The following CDC73 variants were observed in gnomAD, a reference collection of about 807,000 sequenced individuals.
CDC73 encodes the protein parafibromin.
Under a neutral mutation model 83.7 loss-of-function variants are expected in CDC73, and 21 were observed. The observed-to-expected ratio is 0.25, with a 90% confidence interval of 0.18 to 0.36. The LOEUF (loss-of-function observed/expected upper bound fraction) is 0.36, where lower values mean the gene tolerates loss of function less well. Among genes scored for constraint, CDC73 ranks in the 10% least tolerant of loss-of-function variants. CDC73 has a pLI of 1.00. For synonymous variants in CDC73, 224 were observed against 212.9 expected, an observed-to-expected ratio of 1.05 and a Z score of -0.45; for missense variants, 342 against 653.3, an observed-to-expected ratio of 0.52 and a Z score of 5.19.
At chr1:193,193,399 CTT>C (rs1187045340) in intron 10 of CDC73, among the ~76,000 whole-genome samples, 2 of 152,102 alleles carry the variant, frequency 1.3e-5, no homozygotes, top group Admixed American at 6.5e-5. Context: ...TATATAAACT[CTT>C]AATTGAAATT....
chr1:193,191,385 ATCTC>A (rs1240594187), intron 10 of CDC73, among the ~76,000 whole-genome samples: 2 of 152,022 alleles, frequency 1.3e-5, no homozygotes, highest in African/African-American at 2.4e-5. Flanking sequence ...TTTATCATAA[ATCTC>A]TCTTTTTGTT....
chr1:193,229,387 G>A (rs958383579), intron 13 of CDC73, among the ~76,000 whole-genome samples: 11 of 152,212 alleles, frequency 7.2e-5, no homozygotes. Context: ...CAGGGTATTT[G>A]TGAAGTAATT....
chr1:193,189,262 T>C (rs1676879559), intron 10 of CDC73, among the ~76,000 whole-genome samples: 1 of 152,126 alleles, frequency 6.6e-6, no homozygotes, highest in East Asian at 1.9e-4. Flanking sequence ...CCAACCTGTT[T>C]GTTAAATTTA....
intron 3 of CDC73, among the ~76,000 whole-genome samples, chr1:193,132,759 A>G (rs1411080874): frequency 6.6e-6 from 1 of 152,028 alleles, no homozygotes; most frequent in Non-Finnish European, 1.5e-5. Context: ...ATAAGGTCTA[A>G]GATTCTCTAT....
chr1:193,171,852 T>C (rs1330128875), intron 10 of CDC73, among the ~76,000 whole-genome samples: 1 of 152,136 alleles, frequency 6.6e-6, no homozygotes, highest in Non-Finnish European at 1.5e-5. Flanking sequence ...TTTTAATAAA[T>C]GAAAAAAAGA....
At chr1:193,214,731 A>T (rs1677334835) in intron 13 of CDC73, among the ~76,000 whole-genome samples, 1 of 152,190 alleles carries the variant, frequency 6.6e-6, no homozygotes, top group Non-Finnish European at 1.5e-5. Flanking sequence ...ATAAGAAAAA[A>T]ATAGATTATT....
At chr1:193,187,877 G>A (rs1221624438) in intron 10 of CDC73, among the ~76,000 whole-genome samples, 1 of 152,110 alleles carries the variant, frequency 6.6e-6, no homozygotes, top group Non-Finnish European at 1.5e-5. Context: ...CCTAGACTGA[G>A]CTTTGACTTT....
chr1:193,236,226 AC>A, intron 14 of CDC73, 29 bp from the exon 15 acceptor site: 1 of 1,359,474 alleles, frequency 7.4e-7, no homozygotes, highest in Admixed American at 1.7e-5. Context: ...TCTGTCCCCT[AC>A]CTCCCCCCAC....
intron 10 of CDC73, among the ~76,000 whole-genome samples, chr1:193,189,137 A>G (rs1490547287): frequency 6.6e-6 from 1 of 152,092 alleles, no homozygotes; most frequent in East Asian, 1.9e-4. Context: ...TATTTTTACT[A>G]GAAGTGAGGT....
chr1:193,229,550 A>G (rs1677621869), intron 13 of CDC73, among the ~76,000 whole-genome samples: 1 of 152,174 alleles, frequency 6.6e-6, no homozygotes, highest in Non-Finnish European at 1.5e-5. Flanking sequence ...AGACTTGCCA[A>G]TATCTTGGTC....
At chr1:193,181,665 G>T in intron 10 of CDC73, 3 of 1,100,534 alleles carry the variant, frequency 2.7e-6, no homozygotes, top group South Asian at 1.7e-5. Context: ...CAGTCACATT[G>T]TCTCTCTTGT....
chr1:193,232,999 C>G lies in CDC73; in HGVS notation c.1161C>G (p.Val387=). 1.9e-6 allele frequency: 3 copies of G among 1,612,984 alleles called. No homozygotes were observed. The highest frequency in any genetic ancestry group is 1.3e-5 in the African/African-American group (1 of 74,962). Residue 387 remains valine (V), a synonymous_variant, in exon 14 of 17, where the codon GTC becomes GTG. Transcript: ENST00000367435. ...AKDLLQDLKF[V]PSDEKKKQGC... ...CATCTCTGTTTTTTCAAAGATTTGT[C>G]CCATCAGATGAAAAGAAGAAACAAG...
At chr1:193,235,031 TG>T (rs1273960065) in intron 14 of CDC73, among the ~76,000 whole-genome samples, 1 of 152,158 alleles carries the variant, frequency 6.6e-6, no homozygotes. Context: ...CCTGGTTTAA[TG>T]TTTTTTTGTA....
At chr1:193,181,997 T>C (rs1676725517) in intron 10 of CDC73, among the ~76,000 whole-genome samples, 1 of 152,162 alleles carries the variant, frequency 6.6e-6, no homozygotes, top group South Asian at 2.1e-4. Flanking sequence ...AAAATGTTAC[T>C]AGATTTCTGA....
intron 10 of CDC73, among the ~76,000 whole-genome samples, chr1:193,175,043 G>A (rs1026112513): frequency 6.6e-6 from 1 of 152,168 alleles, no homozygotes; most frequent in Non-Finnish European, 1.5e-5. Context: ...TGAGATAGAA[G>A]GTATGAATGG....
chr1:193,253,265 A>C lies in CDC73; in HGVS notation c.*2553A>C. 1 of 232,536 alleles carries C rather than the reference A, an allele frequency of 4.3e-6. No individual in the cohort carries two copies. Among genetic ancestry groups the C allele is most frequent in the Non-Finnish European group, 8.5e-6 (1 of 117,580 alleles). The allele number at this position is 232,536 out of a possible 1,614,324, so 14.4% of individuals were successfully genotyped here. On this transcript the variant is annotated 3_prime_UTR_variant, in exon 17 of 17. Transcript: ENST00000367435. The stretch of plus-strand genomic sequence containing the variant: ...TAATTTGAGACAAGACCTGGTCATC[A>C]GTATTTTTTTTAAAGTTCTCCAGGT...
Position 193,150,386 on chromosome 1 carries a change from A to G in CDC73, c.907+4A>G, listed in dbSNP as rs768964233. ...GAAAGATTCAAAGGAAAAGAAGGCA[A>G]GTTGCTTAATTCTTATCTTCCCCTT... On this transcript the variant is annotated splice_donor_region_variant and intron_variant, in intron 9 of 16. Transcript: ENST00000367435. 2 of 1,593,568 alleles carry G rather than the reference A, an allele frequency of 1.3e-6. No individual in the cohort carries two copies. The highest frequency in any genetic ancestry group is 2.2e-5 in the East Asian group (1 of 44,796).
intron 10 of CDC73, among the ~76,000 whole-genome samples, chr1:193,178,715 T>C (rs1421401832): frequency 6.6e-6 from 1 of 152,184 alleles, no homozygotes; most frequent in Non-Finnish European, 1.5e-5. Context: ...TGGGGTGTGT[T>C]ACATAGATCA....
intron 10 of CDC73, among the ~76,000 whole-genome samples, chr1:193,159,039 A>G (rs1676257775): frequency 6.6e-6 from 1 of 152,182 alleles, no homozygotes; most frequent in South Asian, 2.1e-4. Flanking sequence ...TTTCTCTTTT[A>G]GCACAAAGAA....
Sources: allele counts gnomAD v4.1 joint callset (sites outside exome capture counted in the v4.1 genomes callset), GRCh38; gene constraint gnomAD v4.1.1; transcripts MANE v1.5; gene names NCBI Gene and HGNC (gene_info 2026-07-23, HGNC 2026-07-21).